VCAN: variants seen among roughly 807,000 people sequenced by gnomAD.
VCAN encodes the protein versican, also known as versican core protein.
VCAN carries 44 observed loss-of-function variants against 245.5 expected under a neutral mutation model. That is an observed-to-expected ratio of 0.18 (90% CI 0.14 to 0.23). The LOEUF is 0.23. Ranked by LOEUF, VCAN falls within the 10% of genes least tolerant of loss-of-function variation. The pLI is 1.00. For missense variants in VCAN, 3,793 were observed against 4,057.9 expected, an observed-to-expected ratio of 0.93 and a Z score of 1.77; for synonymous variants, 1,413 against 1,437.0, an observed-to-expected ratio of 0.98 and a Z score of 0.38.
intron 6 of VCAN, among the ~76,000 whole-genome samples, chr5:83,515,752 T>C (rs1745822796): frequency 6.6e-6 from 1 of 152,240 alleles, no homozygotes; most frequent in African/African-American, 2.4e-5. Flanking sequence ...TATATACTCA[T>C]TCACTGTTAA....
Position 83,521,749 on chromosome 5 carries a change from C to T in VCAN, c.3443C>T (p.Thr1148Ile). 3 of 1,614,170 alleles carry T rather than the reference C, an allele frequency of 1.9e-6. No individual in the cohort carries two copies. In the South Asian group the frequency reaches 3.3e-5, roughly 18 times the overall value. ...QKYETEGSST[T>I]GFTSSLSPFS... ...TATGAAACAGAAGGTAGTAGTACAACAGGATTTACATCATCTTTGAGTCCT... is the reference window on the plus strand; with the variant it reads ...TATGAAACAGAAGGTAGTAGTACAATAGGATTTACATCATCTTTGAGTCCT... Residue 1148 changes from threonine to isoleucine, a missense_variant, in exon 7 of 15, where the codon ACA becomes ATA. Coordinates refer to ENST00000265077, the MANE Select transcript of VCAN (RefSeq NM_004385.5).
At chr5:83,494,237 G>A (rs773463639) in intron 5 of VCAN, among the ~76,000 whole-genome samples, 7 of 152,104 alleles carry the variant, frequency 4.6e-5, no homozygotes, top group Admixed American at 1.3e-4. Context: ...CTGTAAGGGT[G>A]GTACCTATTC....
intron 7 of VCAN, among the ~76,000 whole-genome samples, chr5:83,524,538 ACCTACCTACCTACC>A (rs1746220917): frequency 8.5e-5 from 1 of 11,744 alleles, no homozygotes; most frequent in African/African-American, 8.4e-4. Flanking sequence ...CTACCTGCGT[ACCTACCTACCTACC>A]TACCTACCTA....
At chr5:83,570,066 G>A (rs1748232415) in intron 12 of VCAN, among the ~76,000 whole-genome samples, 1 of 152,012 alleles carries the variant, frequency 6.6e-6, no homozygotes, top group Admixed American at 6.6e-5. Context: ...TAGAAACCCA[G>A]TGCAGAGCCA....
At chr5:83,500,971 C>T (rs1366895965) in intron 5 of VCAN, among the ~76,000 whole-genome samples, 3 of 152,106 alleles carry the variant, frequency 2.0e-5, no homozygotes, top group Non-Finnish European at 4.4e-5. Flanking sequence ...CTTGTCAACA[C>T]TTGCTATTAT....
intron 5 of VCAN, among the ~76,000 whole-genome samples, chr5:83,501,034 T>G (rs975093118): frequency 5.3e-5 from 8 of 152,200 alleles, no homozygotes; most frequent in Non-Finnish European, 1.2e-4. Context: ...CTCTGTGGTT[T>G]TGAATTGCAT....
At chr5:83,479,815 T>C (rs33598) in intron 1 of VCAN, among the ~76,000 whole-genome samples, 57,073 of 152,076 alleles carry the variant, frequency 0.38, 10,954 homozygotes, top group East Asian at 0.5. Context: ...AATGGAAATG[T>C]AGTTCTGAGG....
chr5:83,514,832 C>G (rs1019619283), intron 6 of VCAN, among the ~76,000 whole-genome samples: 2 of 152,104 alleles, frequency 1.3e-5, no homozygotes, highest in Non-Finnish European at 2.9e-5. Flanking sequence ...CCCACATAGT[C>G]AAGTAGTGAC....
At chr5:83,544,422 A>C (rs970734040) in intron 8 of VCAN, among the ~76,000 whole-genome samples, 1 of 152,164 alleles carries the variant, frequency 6.6e-6, no homozygotes, top group African/African-American at 2.4e-5. Context: ...GGTGTGGGGA[A>C]GTCTCAGTTA....
chr5:83,476,297 A>C (rs1439856778), intron 1 of VCAN, among the ~76,000 whole-genome samples: 7 of 152,242 alleles, frequency 4.6e-5, no homozygotes, highest in Non-Finnish European at 8.8e-5. Flanking sequence ...TCATTCATGG[A>C]CAAACATCGG....
At chr5:83,555,688 A>T (rs1023884273) in intron 12 of VCAN, among the ~76,000 whole-genome samples, 1 of 152,192 alleles carries the variant, frequency 6.6e-6, no homozygotes, top group African/African-American at 2.4e-5. Flanking sequence ...AAAGAGTTCA[A>T]ATATGATTGT....
At chr5:83,477,226 T>A (rs1034956266) in intron 1 of VCAN, among the ~76,000 whole-genome samples, 46 of 152,320 alleles carry the variant, frequency 3.0e-4, no homozygotes, top group African/African-American at 9.9e-4. Flanking sequence ...GGGATTCATA[T>A]TGATCTAATT....
At chr5:83,534,902 G>A (rs112544531) in intron 7 of VCAN, among the ~76,000 whole-genome samples, 99 of 83,586 alleles carry the variant, frequency 1.2e-3, no homozygotes, top group African/African-American at 5.5e-3. Context: ...TGAATTAAGA[G>A]GATGTTATCA....
chr5:83,509,596 T>C (rs928213458), intron 5 of VCAN, among the ~76,000 whole-genome samples: 4 of 152,222 alleles, frequency 2.6e-5, no homozygotes, highest in African/African-American at 9.6e-5. Flanking sequence ...TTAAGAGGAA[T>C]GGTAGTTTCG....
At chr5:83,492,332 C>T (rs1216822964) in intron 3 of VCAN, among the ~76,000 whole-genome samples, 1 of 152,144 alleles carries the variant, frequency 6.6e-6, no homozygotes, top group Non-Finnish European at 1.5e-5. Context: ...AAGAGTGGCA[C>T]GTATCTTGGA....
At chr5:83,553,563 C>G (rs1747554019) in intron 11 of VCAN, 41 bp downstream of exon 11, 3 of 1,612,876 alleles carry the variant, frequency 1.9e-6, no homozygotes, top group Non-Finnish European at 2.5e-6. Flanking sequence ...AACTTCACTT[C>G]TCATCACTCT....
chr5:83,550,268 A>G (rs748751673), intron 10 of VCAN, among the ~76,000 whole-genome samples: 1 of 152,178 alleles, frequency 6.6e-6, no homozygotes, highest in Non-Finnish European at 1.5e-5. Context: ...TTCACCTTCT[A>G]TGTTCATGAA....
chr5:83,542,215 T>C lies in VCAN; in HGVS notation c.9212T>C (p.Phe3071Ser). The C allele has an allele frequency of 6.2e-7, 1 of 1,614,082 alleles. No individual in the cohort carries two copies. The highest frequency in any genetic ancestry group is 8.5e-7 in the Non-Finnish European group (1 of 1,179,972). Residue 3071 changes from phenylalanine (F) to serine (S), a missense_variant, in exon 8 of 15, where the codon TTC becomes TCC. By Grantham distance (155) the Phe-to-Ser change is radical. Transcript: ENST00000265077. Reference protein sequence around the residue: ...SLLETSNETDFLIGINEESVE... With the variant: ...SLLETSNETDSLIGINEESVE... ...CTGGAGACTTCTAATGAAACAGATT[T>C]CCTGATTGGCATTAATGAAGAGTCA...
In VCAN at chr5:83,550,875, G is replaced by A. The variant is rs1340755145; in HGVS notation, c.9494-2489G>A. On this transcript the variant is annotated intron_variant, in intron 10 of 14. Coordinates refer to ENST00000265077, the MANE Select transcript of VCAN (RefSeq NM_004385.5). ...GCACTCCAGCCTGGGTGACAAGAGT[G>A]AGACTCCATCTCAAAAAAAAAAAAA... 1.6e-4 allele frequency among the ~76,000 whole-genome samples: 16 copies of A among 99,570 alleles called. No homozygotes were observed. In the Admixed American group the frequency reaches 2.1e-3, roughly 13 times the overall value. The allele number at this position is 99,570 out of a possible 152,430, so 65.3% of individuals were successfully genotyped here.
Sources: gnomAD v4.1 joint callset for allele counts (sites outside exome capture counted in the v4.1 genomes callset) on GRCh38, gnomAD v4.1.1 for gene constraint, MANE v1.5 for transcripts, NCBI Gene and HGNC (gene_info 2026-07-23, HGNC 2026-07-21) for gene names.